The following VGLL4 variants were observed in gnomAD, a reference collection of about 807,000 sequenced individuals.
The protein encoded by VGLL4 is transcription cofactor vestigial-like protein 4.
VGLL4 carries 7 observed loss-of-function variants against 21.0 expected under a neutral mutation model. The ratio of observed to expected loss-of-function variants is 0.33; its 90% CI spans 0.19 to 0.63. The LOEUF is 0.63. Ranked by LOEUF, VGLL4 falls within the 20% of genes least tolerant of loss-of-function variation. The pLI, the probability that VGLL4 is intolerant of heterozygous loss-of-function variation, is 0.78. For missense variants in VGLL4, 394 were observed against 425.7 expected (o/e 0.93, Z 0.66); for synonymous variants, 222 against 173.2 (o/e 1.28, Z -2.21).
chr3:11,696,274 AT>A (rs1361562520), intron 2 of VGLL4, among the ~76,000 whole-genome samples: 1 of 152,182 alleles, frequency 6.6e-6, no homozygotes, highest in Non-Finnish European at 1.5e-5. Context: ...CAACTACTCC[AT>A]TAGAGGCAGT....
intron 2 of VGLL4, among the ~76,000 whole-genome samples, chr3:11,680,796 C>A (rs888090517): frequency 6.6e-6 from 1 of 152,230 alleles, no homozygotes; most frequent in African/African-American, 2.4e-5. Flanking sequence ...TGCTGTGAGA[C>A]CACAGGCAAG....
chr3:11,671,145 A>C, intron 2 of VGLL4: 1 of 1,192,696 alleles, frequency 8.4e-7, no homozygotes, highest in Non-Finnish European at 1.1e-6. Context: ...TTCATGAAGT[A>C]ATGAGGCTTT....
chr3:11,647,942 C>T (rs867373057), upstream of VGLL4, among the ~76,000 whole-genome samples: 1 of 151,482 alleles, frequency 6.6e-6, no homozygotes, highest in Middle Eastern at 3.4e-3. Context: ...CTTTAAGAAA[C>T]ACCATGTAGA....
chr3:11,680,222 C>T (rs935252162), intron 2 of VGLL4, among the ~76,000 whole-genome samples: 6 of 152,142 alleles, frequency 3.9e-5, no homozygotes, highest in Admixed American at 6.6e-5. Context: ...TCATCAAGCA[C>T]GCTCTGCGAT....
At chr3:11,573,241 AATAGAG>A (rs2073849826) in intron 2 of VGLL4, among the ~76,000 whole-genome samples, 1 of 115,692 alleles carries the variant, frequency 8.6e-6, no homozygotes, top group Non-Finnish European at 1.7e-5. Flanking sequence ...AAAGAAAAGA[AATAGAG>A]AAAGAAAGAA....
At chr3:11,640,997 A>T (rs1252353449) in intron 1 of VGLL4, among the ~76,000 whole-genome samples, 8 of 151,848 alleles carry the variant, frequency 5.3e-5, no homozygotes, top group African/African-American at 1.7e-4. Flanking sequence ...GGCACCTGTA[A>T]TCCCAGCTAC....
intron 2 of VGLL4, among the ~76,000 whole-genome samples, chr3:11,580,109 C>T (rs1408234089): frequency 6.6e-6 from 1 of 152,186 alleles, no homozygotes; most frequent in Non-Finnish European, 1.5e-5. Flanking sequence ...CCGCCAACCG[C>T]ACCATCCGTC....
At chr3:11,570,963 C>A (rs1256871818) in intron 2 of VGLL4, among the ~76,000 whole-genome samples, 1 of 152,178 alleles carries the variant, frequency 6.6e-6, no homozygotes, top group African/African-American at 2.4e-5. Flanking sequence ...GGTCAAGCTG[C>A]GTCACTCCTC....
intron 1 of VGLL4, among the ~76,000 whole-genome samples, chr3:11,629,749 A>C (rs77035575): frequency 7.1e-6 from 1 of 141,124 alleles, no homozygotes; most frequent in Admixed American, 7.0e-5. Context: ...CGGGTCTCAA[A>C]AAAAAAAAAA....
At chr3:11,695,174 C>G (rs894791307) in intron 2 of VGLL4, among the ~76,000 whole-genome samples, 1 of 151,796 alleles carries the variant, frequency 6.6e-6, no homozygotes, top group African/African-American at 2.4e-5. Flanking sequence ...CTCAGCCTCC[C>G]GAGTAGCTGG....
At chr3:11,697,744 GT>G (rs1180299511) in intron 2 of VGLL4, among the ~76,000 whole-genome samples, 1 of 152,086 alleles carries the variant, frequency 6.6e-6, no homozygotes, top group African/African-American at 2.4e-5. Context: ...AGGGCCATGT[GT>G]CCCCATTATA....
intron 1 of VGLL4, among the ~76,000 whole-genome samples, chr3:11,608,900 C>G (rs528574590): frequency 4.6e-5 from 7 of 152,284 alleles, no homozygotes; most frequent in South Asian, 2.1e-4. Flanking sequence ...CTCACTCTGT[C>G]GCCCAGACTG....
chr3:11,685,200 G>GT (rs34267340), intron 2 of VGLL4, among the ~76,000 whole-genome samples: 2,172 of 132,376 alleles, frequency 0.016, 28 homozygotes, highest in African/African-American at 0.032. Context: ...CCATGGTGTT[G>GT]TTTTTTTTTT....
intron 1 of VGLL4, among the ~76,000 whole-genome samples, chr3:11,639,492 G>A (rs149081042): frequency 7.9e-5 from 12 of 152,398 alleles, no homozygotes; most frequent in African/African-American, 2.9e-4. Context: ...ACTGTGTGCT[G>A]TAATCCAGGG....
At chr3:11,624,870 TA>T (rs1370790544) in intron 1 of VGLL4, among the ~76,000 whole-genome samples, 1 of 152,188 alleles carries the variant, frequency 6.6e-6, no homozygotes, top group Non-Finnish European at 1.5e-5. Context: ...TTCTCTCAGC[TA>T]GCTTCTCACG....
chr3:11,644,305 T>C (rs920399143), upstream of VGLL4, among the ~76,000 whole-genome samples: 1 of 152,186 alleles, frequency 6.6e-6, no homozygotes, highest in African/African-American at 2.4e-5. Flanking sequence ...ATATATAGTG[T>C]CTTTGTTTCT....
intron 2 of VGLL4, among the ~76,000 whole-genome samples, chr3:11,591,201 A>G (rs569150863): frequency 6.6e-6 from 1 of 152,358 alleles, no homozygotes; most frequent in East Asian, 1.9e-4. Flanking sequence ...CACTTGCATC[A>G]TGTTAAAAGG....
At chr3:11,671,274 C>A in intron 2 of VGLL4, 2 of 1,597,524 alleles carry the variant, frequency 1.3e-6, no homozygotes, top group Non-Finnish European at 1.7e-6. Context: ...TGGTGCAGAC[C>A]TGGATGTCTC....
At chr3:11,635,644 T>C (rs1377216515) in intron 1 of VGLL4, among the ~76,000 whole-genome samples, 1 of 152,230 alleles carries the variant, frequency 6.6e-6, no homozygotes, top group Non-Finnish European at 1.5e-5. Context: ...AACTTTACCT[T>C]GTTCCCTACC....
Sources: allele counts gnomAD v4.1 joint callset (sites outside exome capture counted in the v4.1 genomes callset), GRCh38; gene constraint gnomAD v4.1.1; transcripts MANE v1.5; gene names NCBI Gene and HGNC (gene_info 2026-07-23, HGNC 2026-07-21).